STRBP: variants seen among roughly 807,000 people sequenced by gnomAD.
STRBP encodes the protein spermatid perinuclear RNA-binding protein.
STRBP carries 13 observed loss-of-function variants against 80.1 expected under a neutral mutation model. That is an observed-to-expected ratio of 0.16 (90% CI 0.11 to 0.26). STRBP has a LOEUF of 0.26. Among genes scored for constraint, STRBP ranks in the 10% least tolerant of loss-of-function variants. The pLI, the probability that STRBP is intolerant of heterozygous loss-of-function variation, is 1.00. For synonymous variants in STRBP, 284 were observed against 291.2 expected (o/e 0.98, Z 0.25); for missense variants, 485 against 815.2 (o/e 0.59, Z 4.93).
intron 1 of STRBP, among the ~76,000 whole-genome samples, chr9:123,238,683 T>C (rs142812740): frequency 1.3e-4 from 20 of 152,234 alleles, no homozygotes; most frequent in African/African-American, 3.4e-4. Flanking sequence ...AAGATTCAAA[T>C]AAGCTAAAGA....
intron 2 of STRBP, among the ~76,000 whole-genome samples, chr9:123,232,238 G>A (rs2040418421): frequency 6.6e-6 from 1 of 152,144 alleles, no homozygotes; most frequent in African/African-American, 2.4e-5. Context: ...CTTGAACCAG[G>A]AGGCGGAGGT....
At chr9:123,191,677 T>A (rs778965693) in intron 2 of STRBP, among the ~76,000 whole-genome samples, 46 of 152,120 alleles carry the variant, frequency 3.0e-4, no homozygotes, top group Non-Finnish European at 6.0e-4. Context: ...AATATCAATT[T>A]TTGATATTTT....
intron 2 of STRBP, among the ~76,000 whole-genome samples, chr9:123,235,680 G>A (rs1273244854): frequency 6.8e-6 from 1 of 146,430 alleles, no homozygotes; most frequent in Non-Finnish European, 1.5e-5. Context: ...CTCTTTGTCT[G>A]ATCTCTTCCC....
rs546772243 is a variant in STRBP, at chr9:123,190,416, TGAAAA to T, written c.-164-6123_-164-6119del. 1.6e-3 allele frequency among the ~76,000 whole-genome samples: 249 copies of T among 152,198 alleles called. 1 individual carries two copies. Among genetic ancestry groups the T allele is most frequent in the African/African-American group, 5.7e-3 (238 of 41,532 alleles). Reference sequence around the variant, plus strand: ...GCATTATTTCTATGCAATAGTAATGTGAAAAGAACACTGAATTTCAATATTTTCTT... The same window carrying T: ...GCATTATTTCTATGCAATAGTAATGTGAACACTGAATTTCAATATTTTCTT... On this transcript the variant is annotated intron_variant, in intron 2 of 18. Coordinates refer to ENST00000348403, the MANE Select transcript of STRBP (RefSeq NM_018387.5).
chr9:123,203,974 A>G (rs956459100), intron 2 of STRBP, among the ~76,000 whole-genome samples: 3 of 135,658 alleles, frequency 2.2e-5, no homozygotes, highest in African/African-American at 1.0e-4. Flanking sequence ...TCTGTCTCAA[A>G]AAAACAAAAA....
At position 123,124,265 on chromosome 9, in the gene STRBP, C is replaced by T; in HGVS notation, c.*1332G>A. The T allele has an allele frequency of 1.1e-5, 11 of 985,342 alleles. No individual in the cohort carries two copies. Among genetic ancestry groups the T allele is most frequent in the South Asian group, 4.7e-5 (1 of 21,260 alleles). 61.0% of individuals were successfully genotyped at this position (985,342 alleles called of 1,614,324 possible). ...AAACAGACATTTTTAAGACATGGTG[C>T]CTTATAAATATTGACAGGGGACCAC... is the stretch of plus-strand genomic sequence containing the variant. On this transcript the variant is annotated 3_prime_UTR_variant, in exon 19 of 19. Coordinates refer to ENST00000348403, the MANE Select transcript of STRBP (RefSeq NM_018387.5).
At chr9:123,129,348 T>C (rs1381359418) in intron 17 of STRBP, among the ~76,000 whole-genome samples, 2 of 152,008 alleles carry the variant, frequency 1.3e-5, no homozygotes. Context: ...CAGAGAGAGA[T>C]CATGTCTCAA....
intron 10 of STRBP, 37 bp from the exon 11 acceptor site, chr9:123,158,160 T>C (rs753637484): frequency 7.7e-6 from 12 of 1,562,766 alleles, no homozygotes; most frequent in South Asian, 2.2e-5. Flanking sequence ...CACATTTCAA[T>C]AGCCATTCAT....
intron 2 of STRBP, among the ~76,000 whole-genome samples, chr9:123,232,302 C>T (rs1036556414): frequency 1.3e-5 from 2 of 152,110 alleles, no homozygotes; most frequent in African/African-American, 4.8e-5. Context: ...CAGAGTAAGA[C>T]TCCATCTCAA....
intron 1 of STRBP, among the ~76,000 whole-genome samples, chr9:123,256,928 A>G (rs1334769733): frequency 1.3e-5 from 2 of 151,848 alleles, no homozygotes; most frequent in Non-Finnish European, 1.5e-5. Flanking sequence ...CAACATTATA[A>G]TGAAACAACA....
chr9:123,253,746 T>C (rs1249621080), intron 1 of STRBP, among the ~76,000 whole-genome samples: 2 of 152,250 alleles, frequency 1.3e-5, no homozygotes, highest in African/African-American at 4.8e-5. Context: ...AATATCACTA[T>C]TAAATAGCAT....
chr9:123,171,944 G>A (rs1021133028), intron 5 of STRBP, among the ~76,000 whole-genome samples: 5 of 152,074 alleles, frequency 3.3e-5, no homozygotes, highest in Admixed American at 6.6e-5. Context: ...TTTAAACTGC[G>A]ATGCTCATAA....
rs1190054835 is a variant in STRBP at position 123,154,993 on chromosome 9, G to A, written c.1045+3019C>T. ...ATTCAGTAGACAGGGAGGAACTGAC[G>A]CTGGTGAGAGAACAGATAATTGCTG... is the stretch of plus-strand genomic sequence containing the variant. On this transcript the variant is annotated intron_variant, in intron 11 of 18. Transcript: ENST00000348403. Among the ~76,000 whole-genome samples the A allele has an allele frequency of 2.0e-5, 3 of 152,282 alleles. No homozygotes were observed. The East Asian group carries it at 5.8e-4, about 29-fold the overall frequency.
intron 5 of STRBP, among the ~76,000 whole-genome samples, chr9:123,171,560 A>G (rs2038011146): frequency 6.6e-6 from 1 of 152,208 alleles, no homozygotes; most frequent in South Asian, 2.1e-4. Flanking sequence ...ATTAGTAACA[A>G]TACACTTGCA....
rs146689784 is a variant in STRBP, at chr9:123,259,650, G to A, written c.-302+8786C>T. Among the ~76,000 whole-genome samples, 27 of 152,170 alleles carry A rather than the reference G, an allele frequency of 1.8e-4. 1 individual carries two copies. In the East Asian group the frequency reaches 5.0e-3, roughly 28 times the overall value. ...CTTGAACCCGGGCAGCAGAGGTTGC[G>A]GTAAGCCGAGATCACGCCATTGCAC... On this transcript the variant is annotated intron_variant, in intron 1 of 18. Transcript: ENST00000348403.
chr9:123,138,023 G>A (rs1229915870), intron 14 of STRBP, among the ~76,000 whole-genome samples: 2 of 152,002 alleles, frequency 1.3e-5, no homozygotes, highest in African/African-American at 2.4e-5. Flanking sequence ...AAAATGAGTC[G>A]AGACATAAAA....
At chr9:123,132,684 C>T (rs2036187630) in intron 17 of STRBP, among the ~76,000 whole-genome samples, 161 bp downstream of exon 17, 1 of 152,208 alleles carries the variant, frequency 6.6e-6, no homozygotes, top group Admixed American at 6.5e-5. Flanking sequence ...CAGGAGAACA[C>T]CTATGACATT....
chr9:123,208,114 A>G (rs1034683177), intron 2 of STRBP, among the ~76,000 whole-genome samples: 3 of 151,512 alleles, frequency 2.0e-5, no homozygotes, highest in Non-Finnish European at 4.4e-5. Flanking sequence ...AGAAGACTGT[A>G]AGTTTTTTTT....
At chr9:123,148,828 T>C (rs1203067363) in intron 11 of STRBP, among the ~76,000 whole-genome samples, 1 of 152,230 alleles carries the variant, frequency 6.6e-6, no homozygotes. Context: ...AGGTCAAAGA[T>C]ATTTTTTCCT....
Sources: gnomAD v4.1 joint callset for allele counts (sites outside exome capture counted in the v4.1 genomes callset) on GRCh38, gnomAD v4.1.1 for gene constraint, MANE v1.5 for transcripts, NCBI Gene and HGNC (gene_info 2026-07-23, HGNC 2026-07-21) for gene names.